The following SLC1A7 variants were observed in gnomAD, a reference collection of about 807,000 sequenced individuals.
SLC1A7 encodes excitatory amino acid transporter 5.
Under a neutral mutation model 47.7 loss-of-function variants are expected in SLC1A7, and 40 were observed. That is an observed-to-expected ratio of 0.84 (90% CI 0.65 to 1.09). The LOEUF (loss-of-function observed/expected upper bound fraction) is 1.09, where lower values mean the gene tolerates loss of function less well. SLC1A7 is among the 50% of genes least tolerant of loss of function. The probability of loss-of-function intolerance (pLI) is 0.00; values close to 1 mark genes in which losing one functional copy is unlikely to be tolerated. For synonymous variants in SLC1A7, 323 were observed against 325.6 expected (o/e 0.99, Z 0.09); for missense variants, 746 against 769.5 (o/e 0.97, Z 0.36).
chr1:53,121,249 C>T (rs1229296485), intron 2 of SLC1A7, among the ~76,000 whole-genome samples: 1 of 152,174 alleles, frequency 6.6e-6, no homozygotes, highest in Non-Finnish European at 1.5e-5. Context: ...ACCAGGGTGA[C>T]ATTCTAGATC....
At position 53,114,788 on chromosome 1, in the gene SLC1A7, C is replaced by G; in HGVS notation, c.401G>C (p.Ser134Thr). The G allele has an allele frequency of 6.2e-7, 1 of 1,614,122 alleles. No individual in the cohort carries two copies. Among genetic ancestry groups the G allele is most frequent in the Non-Finnish European group, 8.5e-7 (1 of 1,180,022 alleles). ...GAGGTCCAACAGGGCATCGGCTGAG[C>G]TCATGATGGGCTTCCCACTCTGCTC... ...TTEQSGKPIM[S>T]SADALLDLIR... The change falls in exon 3 of 11, where the codon AGC becomes ACC. Residue 134 changes from serine (S) to threonine (T), a missense_variant. Transcript: ENST00000371494.
intron 2 of SLC1A7, among the ~76,000 whole-genome samples, chr1:53,121,674 A>G (rs1387143549): frequency 1.3e-5 from 2 of 152,254 alleles, no homozygotes; most frequent in African/African-American, 4.8e-5. Context: ...TTCTGACACA[A>G]TGAGCCTGAA....
rs781445076 is a variant in SLC1A7, at chr1:53,092,777, A to C, written c.808T>G (p.Phe270Val). The change falls in exon 7 of 11, where the codon TTC becomes GTC. Residue 270 changes from phenylalanine (F) to valine (V), a missense_variant. Phe to Val is a conservative substitution (Grantham distance 50). Coordinates refer to ENST00000371494, the MANE Select transcript of SLC1A7 (RefSeq NM_006671.6). ...IVAVAVWYFP[F>V]GIVFLIAGKI... ...CCCGCAATGAGGAACACAATGCCGA[A>C]GGGGAAATACCTGGGGGCGGCGGGG... is the stretch of plus-strand genomic sequence containing the variant. 6.2e-7 allele frequency: 1 copy of C among 1,611,562 alleles called. No homozygotes were observed. Among genetic ancestry groups the C allele is most frequent in the East Asian group, 2.2e-5 (1 of 44,846 alleles).
chr1:53,136,652 T>TTATATA (rs1272644359), intron 1 of SLC1A7, among the ~76,000 whole-genome samples: 6 of 42,054 alleles, frequency 1.4e-4, no homozygotes, highest in African/African-American at 6.2e-4. Context: ...CATATATATA[T>TTATATA]TATATATATA....
At position 53,122,550 on chromosome 1, in the gene SLC1A7, G is replaced by A. The variant is rs768505408; in HGVS notation, c.216-7577C>T. ...GACAGCCAGTGCCATGCCCATTAGC[G>A]CCAGCTCCAAGTCATGCTTCCCAGA... On this transcript the variant is annotated intron_variant, in intron 2 of 10. Coordinates refer to ENST00000371494, the MANE Select transcript of SLC1A7 (RefSeq NM_006671.6). Among the ~76,000 whole-genome samples, 11 of 152,236 alleles carry A rather than the reference G, an allele frequency of 7.2e-5. No homozygotes were observed. The East Asian group carries it at 9.7e-4, about 13-fold the overall frequency.
chr1:53,103,115 C>T (rs1644601586), intron 5 of SLC1A7: 2 of 447,816 alleles, frequency 4.5e-6, no homozygotes, highest in Non-Finnish European at 7.9e-6. Flanking sequence ...CAGCTGCGGG[C>T]CTAAGAAATG....
intron 2 of SLC1A7, among the ~76,000 whole-genome samples, chr1:53,127,928 G>A (rs1397221033): frequency 1.3e-5 from 2 of 152,218 alleles, no homozygotes; most frequent in Non-Finnish European, 2.9e-5. Flanking sequence ...CTAAGACTCT[G>A]AGCAGAGGAC....
chr1:53,096,688 G>A (rs550406756), intron 5 of SLC1A7, among the ~76,000 whole-genome samples: 15 of 142,358 alleles, frequency 1.1e-4, no homozygotes, highest in East Asian at 4.4e-4. Context: ...CACACACACC[G>A]CCTCAATACA....
rs1020788396 is a variant in SLC1A7, at chr1:53,087,860, C to T, written c.*149G>A. 1.4e-5 allele frequency: 6 copies of T among 434,566 alleles called. No homozygotes were observed. The highest frequency in any genetic ancestry group is 2.0e-5 in the Non-Finnish European group (5 of 245,834). 26.9% of individuals were successfully genotyped at this position (434,566 alleles called of 1,614,324 possible). A position where few individuals can be genotyped will look rare whatever the true frequency, so the allele number is the denominator to read the frequency against. On this transcript the variant is annotated 3_prime_UTR_variant, in exon 11 of 11. Transcript: ENST00000371494. The stretch of plus-strand genomic sequence containing the variant: ...CTTTCCCTTCTCTGAGATACATTTT[C>T]CGTCAAGCGGGGTTAATTCCAGCCT...
At chr1:53,119,989 A>AG (rs1336542287) in intron 2 of SLC1A7, among the ~76,000 whole-genome samples, 2 of 152,196 alleles carry the variant, frequency 1.3e-5, no homozygotes, top group African/African-American at 4.8e-5. Context: ...AGCCTCTGGG[A>AG]GTCTGGAGGC....
chr1:53,099,192 GCCTTGGTACACTCATACA>G (rs1644538690), intron 5 of SLC1A7, among the ~76,000 whole-genome samples: 1 of 11,012 alleles, frequency 9.1e-5, no homozygotes, highest in African/African-American at 2.3e-4. Context: ...CACATAACCT[GCCTTGGTACACTCATACA>G]CACCGCCTCA....
Position 53,087,896 on chromosome 1 carries a change from A to T in SLC1A7, c.*113T>A, listed in dbSNP as rs1383704010. 7.6e-6 allele frequency: 4 copies of T among 526,456 alleles called. No homozygotes were observed. 32.6% of individuals were successfully genotyped at this position (526,456 alleles called of 1,614,324 possible). On this transcript the variant is annotated 3_prime_UTR_variant, in exon 11 of 11. Transcript: ENST00000371494. ...GGTTAATTCCAGCCTCTCAAGGGTG[A>T]GAAGAATGTGTGATCCTGGCCCCTG...
chr1:53,133,287 TGA>T (rs956276510), intron 2 of SLC1A7, among the ~76,000 whole-genome samples: 9 of 151,602 alleles, frequency 5.9e-5, no homozygotes, highest in Admixed American at 2.0e-4. Flanking sequence ...GTCACTAGAG[TGA>T]GTTGAGGAGT....
At chr1:53,137,095 C>A (rs1401189344) in intron 1 of SLC1A7, among the ~76,000 whole-genome samples, 1 of 152,024 alleles carries the variant, frequency 6.6e-6, no homozygotes, top group Non-Finnish European at 1.5e-5. Context: ...GAGACCAGCC[C>A]AGCCAACATG....
rs553925137 is a variant in SLC1A7 at position 53,128,532 on chromosome 1, A to G, written c.215+5818T>C. 9.7e-5 allele frequency among the ~76,000 whole-genome samples: 14 copies of G among 143,640 alleles called. 3 individuals carry two copies. Among genetic ancestry groups the G allele is most frequent in the Non-Finnish European group, 2.2e-4 (14 of 64,626 alleles). The allele number at this position is 143,640 out of a possible 152,430, so 94.2% of individuals were successfully genotyped here. ...GACAGATAAGGAGGCTCTGACTGTC[A>G]TGGCGCAAGGAATGGCTCTGGGTGC... On this transcript the variant is annotated intron_variant, in intron 2 of 10. Transcript: ENST00000371494.
chr1:53,094,026 A>G (rs1354487585), intron 5 of SLC1A7, among the ~76,000 whole-genome samples: 1 of 152,206 alleles, frequency 6.6e-6, no homozygotes, highest in Non-Finnish European at 1.5e-5. Context: ...CCGTTTACAC[A>G]GTGCCCCAGG....
intron 5 of SLC1A7, among the ~76,000 whole-genome samples, chr1:53,101,494 G>A (rs1303648026): frequency 1.4e-5 from 2 of 147,602 alleles, no homozygotes; most frequent in Non-Finnish European, 3.0e-5. Flanking sequence ...CACCACCTCG[G>A]TACACTCACA....
chr1:53,122,669 G>A (rs748175889), intron 2 of SLC1A7, among the ~76,000 whole-genome samples: 10 of 152,162 alleles, frequency 6.6e-5, no homozygotes, highest in Middle Eastern at 3.4e-3. Flanking sequence ...GGGCCATCTC[G>A]TCTCAGCACA....
chr1:53,109,575 C>T (rs1644681121), intron 3 of SLC1A7, among the ~76,000 whole-genome samples: 1 of 152,150 alleles, frequency 6.6e-6, no homozygotes, highest in African/African-American at 2.4e-5. Context: ...CCTTATGTCC[C>T]CACGCAGTGG....
Sources: allele counts gnomAD v4.1 joint callset (sites outside exome capture counted in the v4.1 genomes callset), GRCh38; gene constraint gnomAD v4.1.1; transcripts MANE v1.5; gene names NCBI Gene and HGNC (gene_info 2026-07-23, HGNC 2026-07-21).